The following RP9 variants were observed in gnomAD, a reference collection of about 807,000 sequenced individuals.
RP9 encodes retinitis pigmentosa 9 protein.
Under a neutral mutation model 32.6 loss-of-function variants are expected in RP9, and 23 were observed. The observed-to-expected ratio is 0.71, with a 90% confidence interval of 0.51 to 1.00. RP9 has a LOEUF of 1.00. RP9 is among the 50% of genes least tolerant of loss of function. The pLI is 0.00. For synonymous variants in RP9, 94 were observed against 103.6 expected (o/e 0.91, Z 0.56); for missense variants, 245 against 285.3 (o/e 0.86, Z 1.02).
At position 33,109,147 on chromosome 7, in the gene RP9, C is replaced by T. The variant is rs1490361998; in HGVS notation, c.152+74G>A. On this transcript the variant is annotated intron_variant, in intron 1 of 5. Transcript: ENST00000297157. This position sits in a 1 kb window ranked among gnomAD's most constrained non-coding sequence, Gnocchi z 4.9. ...GGCTCGGAGGACCCGGCCTAGCGCC[C>T]ACCGCGGCGTCCCGCGCCCCGGGCC... 1.2e-5 allele frequency: 17 copies of T among 1,452,536 alleles called. No homozygotes were observed. The highest frequency in any genetic ancestry group is 1.5e-5 in the Non-Finnish European group (17 of 1,103,064). The allele number at this position is 1,452,536 out of a possible 1,614,324, so 90.0% of individuals were successfully genotyped here. A position where few individuals can be genotyped will look rare whatever the true frequency, so the allele number is the denominator to read the frequency against.
At position 33,109,403 on chromosome 7, in the gene RP9, C is replaced by G. The variant is rs1194323411; in HGVS notation, c.-31G>C. ...CCCCCGCAGCGCCGCTCGGGCAACC[C>G]CCGCGGCGCGGCTCCGGCGGCGGCG... On this transcript the variant is annotated 5_prime_UTR_variant, in exon 1 of 6. Transcript: ENST00000297157. The surrounding 1 kb of genome is among the most constrained non-coding windows in gnomAD (Gnocchi z 4.9). 4 of 1,110,772 alleles carry G rather than the reference C, an allele frequency of 3.6e-6. No homozygotes were observed. The East Asian group carries it at 1.8e-4, about 50-fold the overall frequency. 68.8% of individuals were successfully genotyped at this position (1,110,772 alleles called of 1,614,324 possible).
At chr7:33,099,562 C>A in intron 2 of RP9, 126 bp from the exon 3 acceptor site, 9 of 975,642 alleles carry the variant, frequency 9.2e-6, no homozygotes, top group Middle Eastern at 2.1e-4. Context: ...AGTTACCCCT[C>A]AAAACTAGAA....
intron 1 of RP9, among the ~76,000 whole-genome samples, chr7:33,102,172 T>C (rs1157896701): frequency 6.6e-6 from 1 of 152,102 alleles, no homozygotes; most frequent in East Asian, 1.9e-4. Flanking sequence ...TAAAGAAGGG[T>C]GGTTCATGTT....
In RP9 at chr7:33,109,356, C is replaced by T. The variant is rs1242766014; in HGVS notation, c.17G>A (p.Gly6Glu). ...GCCCGCAGCCCCCACGTCCTCGCGC[C>T]CAGGCCGGGACGACATGTCAGCCCC... is the stretch of plus-strand genomic sequence containing the variant. The part of the protein sequence containing the change: MSSRP[G>E]REDVGAAGAR... The change falls in exon 1 of 6, where the codon GGG (glycine) becomes GAG (glutamate). Residue 6 changes from glycine (G) to glutamate (E), a missense_variant. By Grantham distance (98) the Gly-to-Glu change is moderately conservative. Transcript: ENST00000297157. This position sits in a 1 kb window ranked among gnomAD's most constrained non-coding sequence, Gnocchi z 4.9. 2.1e-6 allele frequency: 3 copies of T among 1,430,902 alleles called. No homozygotes were observed. The highest frequency in any genetic ancestry group is 6.4e-5 in the East Asian group (2 of 31,172). The allele number at this position is 1,430,902 out of a possible 1,614,324, so 88.6% of individuals were successfully genotyped here. A position where few individuals can be genotyped will look rare whatever the true frequency, so the allele number is the denominator to read the frequency against.
intron 3 of RP9, among the ~76,000 whole-genome samples, chr7:33,098,609 G>A (rs1166201982): frequency 1.3e-5 from 2 of 152,124 alleles, no homozygotes; most frequent in African/African-American, 4.8e-5. Flanking sequence ...GCCTTCTCTG[G>A]GAAAATATAA....
chr7:33,104,786 G>T (rs1291684068), intron 1 of RP9, among the ~76,000 whole-genome samples: 1 of 152,118 alleles, frequency 6.6e-6, no homozygotes, highest in Admixed American at 6.5e-5. Flanking sequence ...TCACATTGTT[G>T]CCCAGGCTGG....
intron 1 of RP9, chr7:33,100,836 C>A (rs943734665): frequency 1.0e-5 from 6 of 594,434 alleles, no homozygotes; most frequent in African/African-American, 7.4e-5. Flanking sequence ...ACGCAAGTCT[C>A]CAGATGGGAC....
At position 33,103,422 on chromosome 7, in the gene RP9, G is replaced by A. The variant is rs377280492; in HGVS notation, c.153-2861C>T. 1.9e-4 allele frequency among the ~76,000 whole-genome samples: 29 copies of A among 152,266 alleles called. 1 individual carries two copies. The highest frequency in any genetic ancestry group is 7.7e-4 in the East Asian group (4 of 5,184). On this transcript the variant is annotated intron_variant, in intron 1 of 5. Coordinates refer to ENST00000297157, the MANE Select transcript of RP9 (RefSeq NM_203288.2). ...AAAAAGGGTACCCTGCAGCATGAGCGCCCTATCATGAAGCTATCTGATCAA... is the reference window on the plus strand; with the variant it reads ...AAAAAGGGTACCCTGCAGCATGAGCACCCTATCATGAAGCTATCTGATCAA...
intron 1 of RP9, among the ~76,000 whole-genome samples, chr7:33,101,553 G>A (rs1471760102): frequency 6.6e-6 from 1 of 151,672 alleles, no homozygotes; most frequent in Admixed American, 6.6e-5. Flanking sequence ...AGTGAGCTGA[G>A]ATCGCACCAT....
chr7:33,099,035 T>C, intron 3 of RP9: 1 of 532,368 alleles, frequency 1.9e-6, no homozygotes, highest in South Asian at 2.1e-5. Context: ...GGTTTTCTCA[T>C]TCATTCTGTA....
chr7:33,100,811 C>A (rs1026680083), intron 1 of RP9: 2 of 646,928 alleles, frequency 3.1e-6, no homozygotes, highest in Admixed American at 4.4e-5. Flanking sequence ...CCAGAGGAGA[C>A]CCAGAATGCT....
chr7:33,108,116 G>C (rs1391657948), intron 1 of RP9, among the ~76,000 whole-genome samples: 1 of 152,192 alleles, frequency 6.6e-6, no homozygotes, highest in Non-Finnish European at 1.5e-5. Context: ...GAAACTTTTA[G>C]GCTAAACTTA....
chr7:33,104,346 C>A (rs1788469351), intron 1 of RP9, among the ~76,000 whole-genome samples: 1 of 152,022 alleles, frequency 6.6e-6, no homozygotes, highest in Non-Finnish European at 1.5e-5. Context: ...GAAAAAATAA[C>A]TCTTGGGTAC....
chr7:33,109,152 C>T lies in RP9; in HGVS notation c.152+69G>A, dbSNP rs1788544554. The T allele has an allele frequency of 6.9e-7, 1 of 1,457,178 alleles. No homozygotes were observed. The highest frequency in any genetic ancestry group is 1.3e-5 in the South Asian group (1 of 78,216). 90.3% of individuals were successfully genotyped at this position (1,457,178 alleles called of 1,614,324 possible). ...GGAGGACCCGGCCTAGCGCCCACCG[C>T]GGCGTCCCGCGCCCCGGGCCCCTGG... On this transcript the variant is annotated intron_variant, in intron 1 of 5. Transcript: ENST00000297157. This position sits in a 1 kb window ranked among gnomAD's most constrained non-coding sequence, Gnocchi z 4.9.
chr7:33,106,232 G>T (rs553298795), intron 1 of RP9, among the ~76,000 whole-genome samples: 13 of 152,040 alleles, frequency 8.6e-5, no homozygotes, highest in African/African-American at 2.9e-4. Context: ...CTGGAGTGCA[G>T]CCATGGCTTA....
chr7:33,098,659 A>G lies in RP9; in HGVS notation c.313+648T>C, dbSNP rs116996255. Among the ~76,000 whole-genome samples the G allele has an allele frequency of 1.0e-3, 158 of 152,318 alleles. 3 individuals are homozygous for G. The East Asian group carries it at 0.021, about 21-fold the overall frequency. On this transcript the variant is annotated intron_variant, in intron 3 of 5. Coordinates refer to ENST00000297157, the MANE Select transcript of RP9 (RefSeq NM_203288.2). ...AAAAACCGATAGATACTGAACTCTG[A>G]GGCACGTTGTCTTTGCTTTTAACAA... is the stretch of plus-strand genomic sequence containing the variant.
rs563169413 is a variant in RP9 at position 33,108,740 on chromosome 7, C to A, written c.152+481G>T. 3.3e-5 allele frequency among the ~76,000 whole-genome samples: 5 copies of A among 152,356 alleles called. No individual in the cohort carries two copies. The South Asian group carries it at 1.0e-3, about 32-fold the overall frequency. On this transcript the variant is annotated intron_variant, in intron 1 of 5. Coordinates refer to ENST00000297157, the MANE Select transcript of RP9 (RefSeq NM_203288.2). ...AAAGGCCCACGCCCCTATTCCCTGGCCCTTCTTTGTCTCCCACTTTTGTGG... is the reference window on the plus strand; with the variant it reads ...AAAGGCCCACGCCCCTATTCCCTGGACCTTCTTTGTCTCCCACTTTTGTGG...
Position 33,099,801 on chromosome 7 carries a change from A to G in RP9, c.184-365T>C, listed in dbSNP as rs1006131577. On this transcript the variant is annotated intron_variant, in intron 2 of 5. Coordinates refer to ENST00000297157, the MANE Select transcript of RP9 (RefSeq NM_203288.2). ...TAAACCAGGCTTCCTGGAATAATAG[A>G]AATGGCCTGTTATGCTAGAATAGTT... 3.9e-5 allele frequency among the ~76,000 whole-genome samples: 6 copies of G among 152,158 alleles called. No homozygotes were observed. In the East Asian group the frequency reaches 1.2e-3, roughly 29 times the overall value.
Position 33,109,346 on chromosome 7 carries a change from G to T in RP9, c.27C>A (p.Asp9Glu). 8 of 1,443,466 alleles carry T rather than the reference G, an allele frequency of 5.5e-6. No individual in the cohort carries two copies. In the South Asian group the frequency reaches 1.1e-4, roughly 19 times the overall value. 89.4% of individuals were successfully genotyped at this position (1,443,466 alleles called of 1,614,324 possible). ...GCCGCCGCGCGCCCGCAGCCCCCACGTCCTCGCGCCCAGGCCGGGACGACA... is the reference window on the plus strand; with the variant it reads ...GCCGCCGCGCGCCCGCAGCCCCCACTTCCTCGCGCCCAGGCCGGGACGACA... Reference protein sequence around the residue: MSSRPGREDVGAAGARRPR... With the variant: MSSRPGREEVGAAGARRPR... The change falls in exon 1 of 6, where the codon GAC becomes GAA. Residue 9 changes from aspartate to glutamate, a missense_variant. By Grantham distance (45) the Asp-to-Glu change is conservative. This residue lies in a region of RP9 where 182 missense variants were observed against 175.5 expected (regional missense o/e 1.04). Transcript: ENST00000297157. This position sits in a 1 kb window ranked among gnomAD's most constrained non-coding sequence, Gnocchi z 4.9.
Sources: gnomAD v4.1 joint callset for allele counts (sites outside exome capture counted in the v4.1 genomes callset) on GRCh38, gnomAD v4.1.1 for gene constraint, gnomAD v4.1.1 regional missense constraint, Gnocchi (gnomAD v3.1) non-coding constraint, MANE v1.5 for transcripts, NCBI Gene and HGNC (gene_info 2026-07-23, HGNC 2026-07-21) for gene names.